PDE3B: variants seen among roughly 807,000 people sequenced by gnomAD.
PDE3B encodes the protein cGMP-inhibited 3',5'-cyclic phosphodiesterase 3B.
A neutral mutation model predicts 116.8 loss-of-function variants in PDE3B; 66 were observed. The ratio of observed to expected loss-of-function variants is 0.56; its 90% CI spans 0.46 to 0.69. The LOEUF is 0.69. Ranked by LOEUF, PDE3B falls within the 30% of genes least tolerant of loss-of-function variation. PDE3B has a pLI of 0.00. For synonymous variants in PDE3B, 595 were observed against 533.6 expected (o/e 1.12, Z -1.59); for missense variants, 1,384 against 1,368.1 (o/e 1.01, Z -0.18).
At chr11:14,873,396 G>A (rs1163376507), downstream of PDE3B, among the ~76,000 whole-genome samples, 27 of 152,152 alleles carry the variant, frequency 1.8e-4, no homozygotes, top group African/African-American at 6.5e-4. Context: ...TAGACATAGG[G>A]AGTGCTTGGT....
chr11:14,681,560 C>A (rs1321241822), intron 1 of PDE3B, among the ~76,000 whole-genome samples: 2 of 152,122 alleles, frequency 1.3e-5, no homozygotes, highest in Admixed American at 6.6e-5. Flanking sequence ...TCAGGTATGT[C>A]TTTATTAGCA....
chr11:14,665,443 A>G (rs1413860078), intron 1 of PDE3B, among the ~76,000 whole-genome samples: 1 of 152,196 alleles, frequency 6.6e-6, no homozygotes, highest in East Asian at 1.9e-4. Flanking sequence ...GAAGGAAATA[A>G]AGGGTATTCA....
chr11:14,740,612 T>G (rs1012367922), intron 1 of PDE3B, among the ~76,000 whole-genome samples: 1 of 152,234 alleles, frequency 6.6e-6, no homozygotes, highest in African/African-American at 2.4e-5. Context: ...TCAGTTCTGC[T>G]CTGATCTTAG....
intron 7 of PDE3B, among the ~76,000 whole-genome samples, chr11:14,828,201 C>T (rs1300192596): frequency 6.6e-6 from 1 of 151,950 alleles, no homozygotes; most frequent in East Asian, 1.9e-4. Flanking sequence ...ATGTAAAACC[C>T]AAAACTATAA....
At chr11:14,827,717 TATC>T (rs1859743195) in intron 7 of PDE3B, among the ~76,000 whole-genome samples, 1 of 152,162 alleles carries the variant, frequency 6.6e-6, no homozygotes, top group Non-Finnish European at 1.5e-5. Context: ...GAAGAATCAA[TATC>T]ATTAAAATGG....
rs1859395769 is a variant in PDE3B at position 14,818,277 on chromosome 11, T to C, written c.1617T>C (p.Asp539=). The change falls in exon 6 of 16, where the codon GAT becomes GAC. Residue 539 remains aspartate (D), a synonymous_variant. Transcript: ENST00000282096. ...ATCGATCACCCATAGAATTTCCTGA[T>C]ACTGCTGATTTTCTTAATAAGCCAA... ...LTNRSPIEFP[D]TADFLNKPSV... 1 of 1,613,374 alleles carries C rather than the reference T, an allele frequency of 6.2e-7. No individual in the cohort carries two copies. The highest frequency in any genetic ancestry group is 8.5e-7 in the Non-Finnish European group (1 of 1,179,346).
At chr11:14,738,781 A>T (rs1856672499) in intron 1 of PDE3B, among the ~76,000 whole-genome samples, 1 of 152,176 alleles carries the variant, frequency 6.6e-6, no homozygotes. Flanking sequence ...TTTTTGTATA[A>T]GGTGTAAGAA....
chr11:14,752,763 T>C (rs894882594), intron 1 of PDE3B, among the ~76,000 whole-genome samples: 1 of 152,194 alleles, frequency 6.6e-6, no homozygotes, highest in Non-Finnish European at 1.5e-5. Context: ...AGGTATTACT[T>C]GTCTTTGTAC....
At chr11:14,833,145 G>A (rs1317493634) in intron 10 of PDE3B, among the ~76,000 whole-genome samples, 1 of 151,944 alleles carries the variant, frequency 6.6e-6, no homozygotes, top group Non-Finnish European at 1.5e-5. Flanking sequence ...TAGAGATGGG[G>A]TTTCACCATG....
chr11:14,644,534 G>A lies in PDE3B; in HGVS notation c.459G>A (p.Trp153Ter). ...CGGGCCGGAGCTGCGGCTCCTGGTGGCTGCTGGCGCTGCCCGCCTGCTGTT... is the reference window on the plus strand; with the variant it reads ...CGGGCCGGAGCTGCGGCTCCTGGTGACTGCTGGCGCTGCCCGCCTGCTGTT... ...PGPGRSCGSW[W>*]LLALPACCYL... The change falls in exon 1 of 16, where the codon TGG becomes TGA. Residue 153 changes from tryptophan (W) to a stop codon, truncating the protein, a stop_gained. Coordinates refer to ENST00000282096, the MANE Select transcript of PDE3B (RefSeq NM_000922.4). LOFTEE classifies it high-confidence loss of function. The A allele has an allele frequency of 6.2e-7, 1 of 1,603,570 alleles. No homozygotes were observed. Among genetic ancestry groups the A allele is most frequent in the Non-Finnish European group, 8.5e-7 (1 of 1,175,270 alleles).
chr11:14,798,213 G>A (rs1282400671), intron 4 of PDE3B, among the ~76,000 whole-genome samples: 1 of 152,166 alleles, frequency 6.6e-6, no homozygotes, highest in Non-Finnish European at 1.5e-5. Context: ...CATTGGTTCT[G>A]TTTATGTGAT....
intron 1 of PDE3B, among the ~76,000 whole-genome samples, chr11:14,664,670 A>G (rs1854066620): frequency 6.6e-6 from 1 of 152,224 alleles, no homozygotes; most frequent in South Asian, 2.1e-4. Context: ...AATCTAGAAG[A>G]AAGGGATAAA....
intron 5 of PDE3B, among the ~76,000 whole-genome samples, chr11:14,804,558 G>A (rs890139061): frequency 6.6e-6 from 1 of 151,972 alleles, no homozygotes; most frequent in Non-Finnish European, 1.5e-5. Context: ...CTGATATTGT[G>A]CTTTTAAAGT....
chr11:14,832,693 A>G, intron 9 of PDE3B, 29 bp from the exon 10 acceptor site: 1 of 837,644 alleles, frequency 1.2e-6, no homozygotes, highest in Admixed American at 2.7e-5. Flanking sequence ...CTGATTTTTA[A>G]AGTAAACTTT....
chr11:14,849,276 C>T (rs1230962986), intron 12 of PDE3B, among the ~76,000 whole-genome samples: 2 of 151,730 alleles, frequency 1.3e-5, no homozygotes, highest in African/African-American at 2.4e-5. Flanking sequence ...GGAAAACTGG[C>T]TAGCCATATG....
rs1178869543 is a variant in PDE3B at position 14,789,101 on chromosome 11, A to G, written c.1279-5A>G. 1.3e-6 allele frequency: 2 copies of G among 1,597,994 alleles called. No individual in the cohort carries two copies. Among genetic ancestry groups the G allele is most frequent in the African/African-American group, 1.4e-5 (1 of 74,024 alleles). Reference sequence around the variant, plus strand: ...ATTTTAAACCATTGTTAAATTATTCAACAGGGACTAAATAGGAATAGTTTG... The same window carrying G: ...ATTTTAAACCATTGTTAAATTATTCGACAGGGACTAAATAGGAATAGTTTG... On this transcript the variant is annotated splice_region_variant and splice_polypyrimidine_tract_variant and intron_variant, in intron 3 of 15. Coordinates refer to ENST00000282096, the MANE Select transcript of PDE3B (RefSeq NM_000922.4).
chr11:14,844,887 T>G (rs533966916), intron 12 of PDE3B, among the ~76,000 whole-genome samples: 108 of 152,332 alleles, frequency 7.1e-4, no homozygotes, highest in Non-Finnish European at 1.1e-3. Flanking sequence ...CCTGCCTCTG[T>G]AGGCTCCACC....
intron 13 of PDE3B, among the ~76,000 whole-genome samples, 191 bp downstream of exon 13, chr11:14,859,437 ATAT>A (rs1322427082): frequency 6.6e-6 from 1 of 152,152 alleles, no homozygotes; most frequent in African/African-American, 2.4e-5. Context: ...ATTTCCTAAA[ATAT>A]TATTGCTTGT....
At chr11:14,892,691 C>T in the PDE3B span, among the ~76,000 whole-genome samples, 2 of 152,198 alleles carry the variant, frequency 1.3e-5, no homozygotes, top group African/African-American at 4.8e-5. Context: ...AAAATTGACC[C>T]ATCAGTAGTA....
Sources: allele counts gnomAD v4.1 joint callset (sites outside exome capture counted in the v4.1 genomes callset), GRCh38; gene constraint gnomAD v4.1.1; transcripts MANE v1.5; gene names NCBI Gene and HGNC (gene_info 2026-07-23, HGNC 2026-07-21).